The following CRACDL variants were observed in gnomAD, a reference collection of about 807,000 sequenced individuals.
The protein encoded by CRACDL is CRACD-like protein.
A neutral mutation model predicts 70.6 loss-of-function variants in CRACDL; 26 were observed. The ratio of observed to expected loss-of-function variants is 0.37; its 90% CI spans 0.27 to 0.51. The LOEUF is 0.51. Ranked by LOEUF, CRACDL falls within the 20% of genes least tolerant of loss-of-function variation. The pLI is 0.94. For synonymous variants in CRACDL, 618 were observed against 615.2 expected (o/e 1.00, Z -0.07); for missense variants, 1,283 against 1,376.9 (o/e 0.93, Z 1.08).
Position 98,823,123 on chromosome 2 carries a change from C to A in CRACDL, c.1150G>T (p.Ala384Ser). The change falls in exon 7 of 10, where the codon GCC (alanine) becomes TCC (serine). Residue 384 changes from alanine (A) to serine (S), a missense_variant. Transcript: ENST00000397899. The surrounding 1 kb of genome is among the most constrained non-coding windows in gnomAD (Gnocchi z 4.0). ...ACCACCTCCTCCGCCTTGTCCGTGG[C>A]CGGGGCACACGGGCCTGCGGGGGGC... Reference protein sequence around the residue: ...EAPPAGPCAPATDKAEEVVCA... With the variant: ...EAPPAGPCAPSTDKAEEVVCA... 1.3e-6 allele frequency: 2 copies of A among 1,572,780 alleles called. No individual in the cohort carries two copies. Among genetic ancestry groups the A allele is most frequent in the African/African-American group, 1.4e-5 (1 of 70,896 alleles).
chr2:98,800,401 T>C (rs115425046), intron 7 of CRACDL, among the ~76,000 whole-genome samples: 212 of 152,200 alleles, frequency 1.4e-3, no homozygotes, highest in African/African-American at 4.8e-3. Flanking sequence ...TCTTTTTTCT[T>C]TTTCTGTCCA....
chr2:98,889,159 G>A (rs59878807), intron 1 of CRACDL, among the ~76,000 whole-genome samples: 5,204 of 147,626 alleles, frequency 0.035, 295 homozygotes, highest in East Asian at 0.13. Flanking sequence ...AGAAAAGAAG[G>A]AAGGAAGGAA....
intron 7 of CRACDL, among the ~76,000 whole-genome samples, chr2:98,803,061 G>A (rs963232550): frequency 4.7e-5 from 7 of 149,782 alleles, no homozygotes; most frequent in East Asian, 2.0e-4. Context: ...GTGCAGTGGC[G>A]CAATCTAGGC....
chr2:98,867,671 G>A (rs977299259), intron 1 of CRACDL, among the ~76,000 whole-genome samples: 1 of 152,044 alleles, frequency 6.6e-6, no homozygotes, highest in Non-Finnish European at 1.5e-5. Context: ...TCACTCTAAC[G>A]CTGAGGAGTG....
intron 1 of CRACDL, among the ~76,000 whole-genome samples, chr2:98,874,451 C>A (rs147072340): frequency 1.3e-3 from 200 of 152,340 alleles, no homozygotes; most frequent in African/African-American, 4.5e-3. Flanking sequence ...CAGGAGGCTC[C>A]GCACGGGCTG....
At chr2:98,802,998 C>CT (rs34784675) in intron 7 of CRACDL, among the ~76,000 whole-genome samples, 3,508 of 128,182 alleles carry the variant, frequency 0.027, 102 homozygotes, top group African/African-American at 0.06. Flanking sequence ...ACATGCCTGG[C>CT]TTTTTTTTTT....
chr2:98,861,486 T>C (rs112096008), intron 1 of CRACDL, among the ~76,000 whole-genome samples: 7 of 152,268 alleles, frequency 4.6e-5, no homozygotes, highest in African/African-American at 1.7e-4. Flanking sequence ...GGTGGAAATG[T>C]AAAATGTAGC....
intron 1 of CRACDL, among the ~76,000 whole-genome samples, chr2:98,917,278 T>C (rs573742310): frequency 6.6e-6 from 1 of 152,370 alleles, no homozygotes; most frequent in East Asian, 1.9e-4. Flanking sequence ...AACATTGTGA[T>C]GAACATCCTT....
intron 9 of CRACDL, among the ~76,000 whole-genome samples, chr2:98,795,051 A>T (rs1321481427): frequency 0.083 from 1,639 of 19,782 alleles, 344 homozygotes; most frequent in African/African-American, 0.2. Context: ...ATATATATAT[A>T]TATATATATA....
intron 2 of CRACDL, among the ~76,000 whole-genome samples, chr2:98,845,379 G>T (rs1367628602): frequency 6.6e-6 from 1 of 151,720 alleles, no homozygotes; most frequent in Admixed American, 6.6e-5. Flanking sequence ...AAATTTTTTT[G>T]TAGAGACAGA....
chr2:98,827,803 C>A (rs1273709702), intron 5 of CRACDL, among the ~76,000 whole-genome samples: 1 of 152,106 alleles, frequency 6.6e-6, no homozygotes, highest in Non-Finnish European at 1.5e-5. Flanking sequence ...CAAAACACAC[C>A]AGCCTGATTT....
intron 1 of CRACDL, among the ~76,000 whole-genome samples, chr2:98,921,312 C>T (rs576296869): frequency 1.6e-4 from 24 of 152,318 alleles, no homozygotes; most frequent in East Asian, 3.9e-4. Flanking sequence ...CAAGTGGTGC[C>T]GATACTGGGC....
intron 1 of CRACDL, among the ~76,000 whole-genome samples, chr2:98,887,592 A>G (rs1707834307): frequency 6.6e-6 from 1 of 152,244 alleles, no homozygotes; most frequent in South Asian, 2.1e-4. Context: ...TGCAGAAAGA[A>G]TATTCAAAGA....
At chr2:98,897,398 A>C in intron 1 of CRACDL, 1 of 1,303,970 alleles carries the variant, frequency 7.7e-7, no homozygotes, top group Non-Finnish European at 1.0e-6. Flanking sequence ...CACGGACGCC[A>C]AAGAAATCAT....
chr2:98,926,393 T>A (rs1453278070), intron 1 of CRACDL, among the ~76,000 whole-genome samples: 3 of 152,124 alleles, frequency 2.0e-5, no homozygotes, highest in Non-Finnish European at 4.4e-5. Flanking sequence ...CTTCTTTCTA[T>A]CCCCTCCCAC....
chr2:98,913,987 A>T (rs1176015431), intron 1 of CRACDL, among the ~76,000 whole-genome samples: 1 of 152,230 alleles, frequency 6.6e-6, no homozygotes, highest in Non-Finnish European at 1.5e-5. Context: ...AATGCATGGA[A>T]GCCTCGGCTG....
chr2:98,925,782 C>G lies in CRACDL; in HGVS notation c.-11+10156G>C, dbSNP rs74665782. On this transcript the variant is annotated intron_variant, in intron 1 of 9. Coordinates refer to ENST00000397899, the MANE Select transcript of CRACDL (RefSeq NM_207362.3). ...AAATAAGATGAAAAAGGTGAAGTTA[C>G]CCAAAAGGTGGGGAGCAATGCTCGA... is the stretch of plus-strand genomic sequence containing the variant. Among the ~76,000 whole-genome samples the G allele has an allele frequency of 9.8e-3, 1,497 of 152,164 alleles. 29 individuals carry two copies. Among genetic ancestry groups the G allele is most frequent in the East Asian group, 0.071 (365 of 5,168 alleles).
chr2:98,893,140 C>T (rs913041630), intron 1 of CRACDL, among the ~76,000 whole-genome samples: 2 of 152,154 alleles, frequency 1.3e-5, no homozygotes, highest in East Asian at 1.9e-4. Flanking sequence ...GAAATGGGCT[C>T]CTTGCACCAT....
rs985556469 is a variant in CRACDL, at chr2:98,936,204, C to CCGGCTTCGCT, written c.-287_-278dup. The CCGGCTTCGCT allele has an allele frequency of 6.6e-6, 1 of 150,580 alleles. No individual in the cohort carries two copies. The highest frequency in any genetic ancestry group is 1.9e-4 in the East Asian group (1 of 5,152). 9.3% of individuals were successfully genotyped at this position (150,580 alleles called of 1,614,324 possible). ...CTCCCAGCTCCCAGCTGCAGGCGCG[C>CCGGCTTCGCT]CGGCTTCGCTCGGCTCCGCTCGGCT... is the stretch of plus-strand genomic sequence containing the variant. On this transcript the variant is annotated 5_prime_UTR_variant, in exon 1 of 10. Transcript: ENST00000397899.
Sources: allele counts gnomAD v4.1 joint callset (sites outside exome capture counted in the v4.1 genomes callset), GRCh38; gene constraint gnomAD v4.1.1; non-coding constraint Gnocchi (gnomAD v3.1); transcripts MANE v1.5; gene names NCBI Gene and HGNC (gene_info 2026-07-23, HGNC 2026-07-21).